Variants in CATSPERT observed in about 807,000 individuals in gnomAD.
The protein encoded by CATSPERT is cation channel sperm-associated targeting subunit tau.
At chr2:201,506,927 C>A in the CATSPERT span, among the ~76,000 whole-genome samples, 1 of 152,208 alleles carries the variant, frequency 6.6e-6, no homozygotes, top group African/African-American at 2.4e-5. Flanking sequence ...TGCTTTCCTA[C>A]CTCATGCATT....
the CATSPERT span, chr2:201,491,193 G>T: frequency 1.4e-5 from 21 of 1,534,732 alleles, no homozygotes; most frequent in Non-Finnish European, 1.7e-5. Context: ...TTGCAGTCCA[G>T]TGAAGCAGTG....
the CATSPERT span, among the ~76,000 whole-genome samples, chr2:201,584,769 C>G: frequency 6.6e-6 from 1 of 151,386 alleles, no homozygotes; most frequent in East Asian, 1.9e-4. Context: ...GGTGACAGAG[C>G]AAGACTCTGT....
chr2:201,491,811 T>G, the CATSPERT span: 1 of 1,537,076 alleles, frequency 6.5e-7, no homozygotes, highest in Non-Finnish European at 8.7e-7. Context: ...ATTGAGTTAT[T>G]TTTGATTTAC....
chr2:201,565,591 A>G, the CATSPERT span: 4 of 860,668 alleles, frequency 4.6e-6, no homozygotes, highest in African/African-American at 7.0e-5. Flanking sequence ...TGAACCCATG[A>G]AACAACGGCA....
the CATSPERT span, among the ~76,000 whole-genome samples, chr2:201,522,209 G>A: frequency 6.6e-6 from 1 of 152,186 alleles, no homozygotes; most frequent in South Asian, 2.1e-4. Context: ...TGGAAAGGAG[G>A]ACGTCAAATT....
the CATSPERT span, among the ~76,000 whole-genome samples, chr2:201,516,906 G>A: frequency 6.7e-6 from 1 of 149,872 alleles, no homozygotes; most frequent in African/African-American, 2.4e-5. Flanking sequence ...TCACCTACGG[G>A]ATAAAGCTGG....
chr2:201,506,428 T>G, the CATSPERT span, among the ~76,000 whole-genome samples: 29 of 152,260 alleles, frequency 1.9e-4, no homozygotes, highest in Admixed American at 1.9e-3. Flanking sequence ...TATATGGGAA[T>G]ACAAAGATGG....
the CATSPERT span, among the ~76,000 whole-genome samples, chr2:201,548,878 A>G: frequency 2.0e-5 from 3 of 152,146 alleles, no homozygotes; most frequent in African/African-American, 7.2e-5. Flanking sequence ...TTCTCGTTTC[A>G]GGATTCATGG....
the CATSPERT span, among the ~76,000 whole-genome samples, chr2:201,551,831 C>G: frequency 6.6e-6 from 1 of 151,806 alleles, no homozygotes; most frequent in Non-Finnish European, 1.5e-5. Context: ...TCGCTTTAAC[C>G]CGGGAGCCGG....
chr2:201,604,637 G>A, the CATSPERT span: 1 of 1,600,424 alleles, frequency 6.2e-7, no homozygotes, highest in Non-Finnish European at 8.5e-7. Flanking sequence ...ACCAAATTTG[G>A]CGTCTCCTGT....
At chr2:201,495,239 G>C in the CATSPERT span, among the ~76,000 whole-genome samples, 2,941 of 151,830 alleles carry the variant, frequency 0.019, 96 homozygotes, top group African/African-American at 0.067. Flanking sequence ...TCTAAAAACT[G>C]ACTTGGGGGC....
chr2:201,612,078 T>C, the CATSPERT span, among the ~76,000 whole-genome samples: 1 of 152,240 alleles, frequency 6.6e-6, no homozygotes, highest in African/African-American at 2.4e-5. Context: ...CAGCTAACTT[T>C]TGACTCTGTA....
the CATSPERT span, among the ~76,000 whole-genome samples, chr2:201,580,425 A>G: frequency 6.6e-6 from 1 of 152,198 alleles, no homozygotes; most frequent in Admixed American, 6.5e-5. Flanking sequence ...TATTCATTAC[A>G]AAGAGTTGCA....
the CATSPERT span, among the ~76,000 whole-genome samples, chr2:201,542,869 T>C: frequency 6.6e-6 from 1 of 152,156 alleles, no homozygotes; most frequent in Non-Finnish European, 1.5e-5. Flanking sequence ...AGCCCCACTG[T>C]CTGTTTTTGT....
At chr2:201,582,387 G>A in the CATSPERT span, among the ~76,000 whole-genome samples, 6 of 151,622 alleles carry the variant, frequency 4.0e-5, no homozygotes, top group Admixed American at 1.3e-4. Context: ...ATACGTTTTT[G>A]TATGTCATTA....
chr2:201,565,852 G>C, the CATSPERT span: 1 of 1,590,160 alleles, frequency 6.3e-7, no homozygotes, highest in Middle Eastern at 1.7e-4. Context: ...ATATTCTACT[G>C]TCTGTGGTGT....
the CATSPERT span, among the ~76,000 whole-genome samples, chr2:201,518,686 G>C: frequency 1.3e-5 from 2 of 152,208 alleles, no homozygotes; most frequent in African/African-American, 2.4e-5. Context: ...AACAGCTAAG[G>C]TATGGAGGCA....
the CATSPERT span, chr2:201,495,957 G>T: frequency 6.3e-7 from 1 of 1,586,418 alleles, no homozygotes. Flanking sequence ...TATTCTTTTG[G>T]TGAAAAAGCC....
At chr2:201,553,195 C>T in the CATSPERT span, 18 of 152,208 alleles carry the variant, frequency 1.2e-4, no homozygotes, top group Non-Finnish European at 2.6e-4. Flanking sequence ...AACAGGTATT[C>T]ACCCACTTAT....
Sources: gnomAD v4.1 joint callset for allele counts (sites outside exome capture counted in the v4.1 genomes callset) on GRCh38, gnomAD v4.1.1 for gene constraint, MANE v1.5 for transcripts, NCBI Gene and HGNC (gene_info 2026-07-23, HGNC 2026-07-21) for gene names.